Variants in AUTS2 observed in about 807,000 individuals in gnomAD.
AUTS2 encodes the protein autism susceptibility gene 2 protein.
A neutral mutation model predicts 112.4 loss-of-function variants in AUTS2; 17 were observed. The ratio of observed to expected loss-of-function variants is 0.15; its 90% CI spans 0.10 to 0.23. The LOEUF is 0.23. Ranked by LOEUF, AUTS2 falls within the 10% of genes least tolerant of loss-of-function variation. AUTS2 has a pLI of 1.00. For missense variants in AUTS2, 1,510 were observed against 1,701.6 expected (o/e 0.89, Z 1.98); for synonymous variants, 751 against 702.7 (o/e 1.07, Z -1.09).
Position 70,511,549 on chromosome 7 carries a change from T to C in AUTS2, c.690+75768T>C, listed in dbSNP as rs992342825. Among the ~76,000 whole-genome samples the C allele has an allele frequency of 1.5e-4, 22 of 148,756 alleles. No homozygotes were observed. In the East Asian group the frequency reaches 2.3e-3, roughly 16 times the overall value. ...ATTTTTATTTTTTTCATTTTAAACT[T>C]TTTTTCATTTTCTTTTTTTTTTTTT... is the stretch of plus-strand genomic sequence containing the variant. On this transcript the variant is annotated intron_variant, in intron 5 of 18. Transcript: ENST00000342771.
At chr7:70,512,429 C>CG (rs1158777812) in intron 5 of AUTS2, among the ~76,000 whole-genome samples, 2 of 152,130 alleles carry the variant, frequency 1.3e-5, no homozygotes, top group African/African-American at 4.8e-5. Context: ...AAAAATTACC[C>CG]GGGGGCCAGA....
chr7:69,948,418 G>C (rs763011158), intron 2 of AUTS2, among the ~76,000 whole-genome samples: 1 of 152,148 alleles, frequency 6.6e-6, no homozygotes. Context: ...TGGGAACTTT[G>C]CTGCTAGTTA....
chr7:70,036,322 TAACAACAATATGGG>T (rs952026036), intron 2 of AUTS2, among the ~76,000 whole-genome samples: 3 of 152,214 alleles, frequency 2.0e-5, no homozygotes, highest in African/African-American at 7.2e-5. Context: ...AACTTTTAAG[TAACAACAATATGGG>T]AATCATACTT....
intron 15 of AUTS2, chr7:70,782,893 C>T (rs895291679): frequency 1.3e-5 from 2 of 152,110 alleles, no homozygotes; most frequent in African/African-American, 4.8e-5. Flanking sequence ...AAGTGCGTCC[C>T]CCTGGAGGGT....
intron 2 of AUTS2, among the ~76,000 whole-genome samples, chr7:70,103,292 C>T (rs1020393374): frequency 6.6e-6 from 1 of 152,192 alleles, no homozygotes; most frequent in African/African-American, 2.4e-5. Flanking sequence ...CTCTTCCTTT[C>T]TGTTTAATCC....
At chr7:70,211,985 CAA>C (rs1413343901) in intron 4 of AUTS2, among the ~76,000 whole-genome samples, 1 of 152,158 alleles carries the variant, frequency 6.6e-6, no homozygotes, top group Non-Finnish European at 1.5e-5. Context: ...GACTCCGTCT[CAA>C]AGAGAGAGAG....
chr7:70,502,180 C>T (rs1440681625), intron 5 of AUTS2, among the ~76,000 whole-genome samples: 1 of 152,194 alleles, frequency 6.6e-6, no homozygotes, highest in African/African-American at 2.4e-5. Context: ...GTTCCAGTTT[C>T]TAGGACCTCC....
intron 4 of AUTS2, among the ~76,000 whole-genome samples, chr7:70,349,657 CTTTT>C (rs752494407): frequency 6.9e-6 from 1 of 144,812 alleles, no homozygotes; most frequent in African/African-American, 2.5e-5. Context: ...GTTTTCCAGG[CTTTT>C]TTTTTTTTCT....
chr7:69,610,165 G>A lies in AUTS2; in HGVS notation c.309+10203G>A, dbSNP rs909176839. ...CAAATAGCTTAGGACCAGAAAGTAGGAAATAATAAAGGGAAGACATGATTG... is the reference window on the plus strand; with the variant it reads ...CAAATAGCTTAGGACCAGAAAGTAGAAAATAATAAAGGGAAGACATGATTG... On this transcript the variant is annotated intron_variant, in intron 1 of 18. Transcript: ENST00000342771. Among the ~76,000 whole-genome samples, 14 of 152,206 alleles carry A rather than the reference G, an allele frequency of 9.2e-5. 1 individual carries two copies. Among genetic ancestry groups the A allele is most frequent in the African/African-American group, 3.4e-4 (14 of 41,454 alleles).
chr7:70,179,834 T>C (rs1809202468), intron 4 of AUTS2, among the ~76,000 whole-genome samples: 1 of 152,182 alleles, frequency 6.6e-6, no homozygotes, highest in Non-Finnish European at 1.5e-5. Flanking sequence ...AGGGGATTAT[T>C]TCTGGGTGGT....
intron 2 of AUTS2, among the ~76,000 whole-genome samples, chr7:70,081,198 A>G (rs1206518193): frequency 3.3e-5 from 5 of 152,064 alleles, no homozygotes; most frequent in Non-Finnish European, 1.5e-5. Context: ...CGTTATTATT[A>G]TAAATGAAAA....
At chr7:69,848,110 G>T (rs577080254) in intron 1 of AUTS2, among the ~76,000 whole-genome samples, 3 of 152,182 alleles carry the variant, frequency 2.0e-5, no homozygotes, top group Non-Finnish European at 4.4e-5. Context: ...CCCGTGGTTT[G>T]CTGTAAGCCA....
At chr7:70,724,511 T>C (rs1786902470) in intron 6 of AUTS2, among the ~76,000 whole-genome samples, 1 of 145,050 alleles carries the variant, frequency 6.9e-6, no homozygotes, top group Non-Finnish European at 1.5e-5. Flanking sequence ...ATTGGCGTGA[T>C]CTTGGCTCAC....
At chr7:69,937,343 C>A (rs745958997) in intron 2 of AUTS2, among the ~76,000 whole-genome samples, 6 of 152,142 alleles carry the variant, frequency 3.9e-5, no homozygotes, top group Non-Finnish European at 7.3e-5. Flanking sequence ...TTCCTGCCGT[C>A]GGAAACCAAA....
intron 4 of AUTS2, among the ~76,000 whole-genome samples, chr7:70,335,257 C>T (rs1234987027): frequency 6.6e-6 from 1 of 152,128 alleles, no homozygotes; most frequent in East Asian, 1.9e-4. Flanking sequence ...TGGGTTTTAG[C>T]TCTGTTGGAA....
At chr7:70,623,155 C>G (rs1385814569) in intron 5 of AUTS2, among the ~76,000 whole-genome samples, 2 of 152,156 alleles carry the variant, frequency 1.3e-5, no homozygotes, top group Non-Finnish European at 2.9e-5. Context: ...ATGGCCCAAC[C>G]CCAGATATGT....
At chr7:69,770,582 A>T (rs924617361) in intron 1 of AUTS2, among the ~76,000 whole-genome samples, 2 of 152,116 alleles carry the variant, frequency 1.3e-5, no homozygotes, top group African/African-American at 2.4e-5. Context: ...ATGTAGAGTG[A>T]GCTACATGGA....
At chr7:70,392,237 A>G (rs1793897936) in intron 4 of AUTS2, among the ~76,000 whole-genome samples, 1 of 152,142 alleles carries the variant, frequency 6.6e-6, no homozygotes, top group African/African-American at 2.4e-5. Context: ...TGCCTAGTGT[A>G]CTTCCTAGCC....
chr7:70,528,029 T>C (rs748801035), intron 5 of AUTS2, among the ~76,000 whole-genome samples: 2 of 151,932 alleles, frequency 1.3e-5, no homozygotes, highest in Non-Finnish European at 2.9e-5. Context: ...GTTGTAAATT[T>C]AGAGGATGGG....
Sources: gnomAD v4.1 joint callset for allele counts (sites outside exome capture counted in the v4.1 genomes callset) on GRCh38, gnomAD v4.1.1 for gene constraint, MANE v1.5 for transcripts, NCBI Gene and HGNC (gene_info 2026-07-23, HGNC 2026-07-21) for gene names.